Variants in PTPRD observed in about 807,000 individuals in gnomAD.
The protein encoded by PTPRD is protein tyrosine phosphatase receptor type D.
In PTPRD, 34 loss-of-function variants were observed where a neutral mutation model predicts 214.5. The observed-to-expected ratio is 0.16, with a 90% confidence interval of 0.12 to 0.21. The LOEUF is 0.21. PTPRD is among the 10% of genes least tolerant of loss of function. The pLI is 1.00. For missense variants in PTPRD, 2,545 were observed against 2,398.7 expected, an observed-to-expected ratio of 1.06 and a Z score of -1.27; for synonymous variants, 1,128 against 845.7, an observed-to-expected ratio of 1.33 and a Z score of -5.79.
At chr9:9,921,048 C>T (rs1204146708) in intron 5 of PTPRD, among the ~76,000 whole-genome samples, 1 of 152,006 alleles carries the variant, frequency 6.6e-6, no homozygotes, top group Non-Finnish European at 1.5e-5. Flanking sequence ...TAGCTCCTGG[C>T]AAAGGACAGC....
At chr9:10,292,559 G>C (rs1043521905) in intron 3 of PTPRD, among the ~76,000 whole-genome samples, 1 of 151,862 alleles carries the variant, frequency 6.6e-6, no homozygotes, top group African/African-American at 2.4e-5. Context: ...ACCCAAAATA[G>C]CCCACAGAAA....
At chr9:10,121,961 A>G (rs2098779123) in intron 3 of PTPRD, among the ~76,000 whole-genome samples, 1 of 152,130 alleles carries the variant, frequency 6.6e-6, no homozygotes, top group Non-Finnish European at 1.5e-5. Flanking sequence ...CAAATCTCAC[A>G]CTCAGTGTAT....
Position 9,626,780 on chromosome 9 carries a change from G to A in PTPRD, c.-286-51999C>T, listed in dbSNP as rs545169322. ...TTTCAGAGGTAAAATGAAATGGCTC[G>A]CCCCAAATTAACAATCCATACAAAC... On this transcript the variant is annotated intron_variant, in intron 7 of 45. Coordinates refer to ENST00000381196, the MANE Select transcript of PTPRD (RefSeq NM_002839.4). Among the ~76,000 whole-genome samples the A allele has an allele frequency of 6.6e-5, 10 of 152,120 alleles. No individual in the cohort carries two copies. The South Asian group carries it at 1.5e-3, about 22-fold the overall frequency.
chr9:8,752,575 T>C (rs1044474767), intron 11 of PTPRD, among the ~76,000 whole-genome samples: 4 of 152,172 alleles, frequency 2.6e-5, no homozygotes, highest in African/African-American at 7.2e-5. Flanking sequence ...CAATTCTTTC[T>C]TGTGCGAGAC....
intron 11 of PTPRD, among the ~76,000 whole-genome samples, chr9:9,002,334 A>G (rs2099427174): frequency 6.6e-6 from 1 of 152,042 alleles, no homozygotes; most frequent in African/African-American, 2.4e-5. Flanking sequence ...TAACATAATG[A>G]AAAGAATTAA....
At chr9:9,158,662 C>T (rs995007020) in intron 10 of PTPRD, among the ~76,000 whole-genome samples, 6 of 151,790 alleles carry the variant, frequency 4.0e-5, no homozygotes, top group South Asian at 4.2e-4. Context: ...CTTCTCAAAC[C>T]CTTTCAGAAA....
chr9:8,874,601 C>T (rs750057336), intron 11 of PTPRD, among the ~76,000 whole-genome samples: 2 of 152,142 alleles, frequency 1.3e-5, no homozygotes, highest in African/African-American at 2.4e-5. Context: ...ACCTTGTTCT[C>T]CTAATGACTC....
At chr9:8,825,088 T>G (rs1479610480) in intron 11 of PTPRD, among the ~76,000 whole-genome samples, 1 of 152,162 alleles carries the variant, frequency 6.6e-6, no homozygotes, top group African/African-American at 2.4e-5. Flanking sequence ...CTGCCATGAG[T>G]TTGTACCTTT....
intron 5 of PTPRD, among the ~76,000 whole-genome samples, chr9:9,920,699 G>A (rs778221956): frequency 7.9e-5 from 12 of 152,110 alleles, no homozygotes; most frequent in Non-Finnish European, 1.3e-4. Flanking sequence ...AAGGAGTTAA[G>A]CCTCTTTAGA....
In PTPRD at chr9:9,108,526, C is replaced by T. The variant is rs557190221; in HGVS notation, c.-143+74778G>A. Among the ~76,000 whole-genome samples, 4 of 152,260 alleles carry T rather than the reference C, an allele frequency of 2.6e-5. No homozygotes were observed. The South Asian group carries it at 8.3e-4, about 32-fold the overall frequency. ...TGAGGGACTCTCCAGGTTGACTCTC[C>T]TCTATGTAGTGACTCACGGATCCAG... On this transcript the variant is annotated intron_variant, in intron 10 of 45. Coordinates refer to ENST00000381196, the MANE Select transcript of PTPRD (RefSeq NM_002839.4).
At chr9:9,646,389 T>C (rs1221923069) in intron 7 of PTPRD, among the ~76,000 whole-genome samples, 1 of 151,682 alleles carries the variant, frequency 6.6e-6, no homozygotes, top group East Asian at 1.9e-4. Context: ...TATGTTATTC[T>C]GCTGTTTTCT....
At chr9:9,686,291 G>T (rs1595197480) in intron 7 of PTPRD, among the ~76,000 whole-genome samples, 1 of 77,650 alleles carries the variant, frequency 1.3e-5, no homozygotes, top group African/African-American at 4.3e-5. Flanking sequence ...ATGTATGTAT[G>T]AATTATTTTT....
chr9:8,553,574 G>C (rs2082757688), intron 14 of PTPRD, among the ~76,000 whole-genome samples: 1 of 152,054 alleles, frequency 6.6e-6, no homozygotes, highest in Admixed American at 6.5e-5. Flanking sequence ...AAATACGAAA[G>C]CTATAGAAAA....
chr9:9,103,974 C>T (rs1489330905), intron 10 of PTPRD, among the ~76,000 whole-genome samples: 1 of 152,034 alleles, frequency 6.6e-6, no homozygotes, highest in Non-Finnish European at 1.5e-5. Flanking sequence ...TAGAGCAAGA[C>T]CCTGTCTCAA....
intron 7 of PTPRD, among the ~76,000 whole-genome samples, chr9:9,596,088 A>G (rs1253819408): frequency 6.6e-6 from 1 of 152,070 alleles, no homozygotes; most frequent in Non-Finnish European, 1.5e-5. Context: ...TCACTTAGAT[A>G]TAACCATAGT....
chr9:9,895,397 T>C (rs927027100), intron 5 of PTPRD, among the ~76,000 whole-genome samples: 3 of 152,074 alleles, frequency 2.0e-5, no homozygotes, highest in African/African-American at 7.2e-5. Flanking sequence ...TGAGACCTTA[T>C]ATGTATCTGA....
At chr9:8,801,091 A>G (rs933626187) in intron 11 of PTPRD, among the ~76,000 whole-genome samples, 1 of 152,214 alleles carries the variant, frequency 6.6e-6, no homozygotes, top group African/African-American at 2.4e-5. Flanking sequence ...TTTCAAACAT[A>G]TAATTTGCTC....
rs549491567 is a variant in PTPRD, at chr9:8,901,684, C to T, written c.-104+117013G>A. Among the ~76,000 whole-genome samples, 8 of 152,280 alleles carry T rather than the reference C, an allele frequency of 5.3e-5. No individual in the cohort carries two copies. In the South Asian group the frequency reaches 1.5e-3, roughly 28 times the overall value. On this transcript the variant is annotated intron_variant, in intron 11 of 45. Coordinates refer to ENST00000381196, the MANE Select transcript of PTPRD (RefSeq NM_002839.4). The stretch of plus-strand genomic sequence containing the variant: ...GGCTACTCCCAATTAATTAGCCATG[C>T]TAGTGTATCCTAAATCAGAAAATAA...
At chr9:10,541,144 T>G (rs1313310955) in intron 2 of PTPRD, among the ~76,000 whole-genome samples, 2 of 152,210 alleles carry the variant, frequency 1.3e-5, no homozygotes, top group East Asian at 3.8e-4. Flanking sequence ...TTAATTATAC[T>G]ATTTTATTCC....
Sources: allele counts gnomAD v4.1 joint callset (sites outside exome capture counted in the v4.1 genomes callset), GRCh38; gene constraint gnomAD v4.1.1; transcripts MANE v1.5; gene names NCBI Gene and HGNC (gene_info 2026-07-23, HGNC 2026-07-21).